The following ZNF461 variants were observed in gnomAD, a reference collection of about 807,000 sequenced individuals.
The protein encoded by ZNF461 is gonadotropin-inducible ovarian transcription factor-1.
ZNF461 carries 16 observed loss-of-function variants against 18.3 expected under a neutral mutation model. The ratio of observed to expected loss-of-function variants is 0.88; its 90% CI spans 0.59 to 1.33. The LOEUF is 1.33. Among genes scored for constraint, ZNF461 ranks in the 40% most tolerant of loss-of-function variants. The pLI is 0.00. For synonymous variants in ZNF461, 179 were observed against 216.9 expected, an observed-to-expected ratio of 0.83 and a Z score of 1.54; for missense variants, 595 against 669.9, an observed-to-expected ratio of 0.89 and a Z score of 1.23.
chr19:36,647,424 C>T (rs1370234226), intron 4 of ZNF461, among the ~76,000 whole-genome samples: 1 of 152,086 alleles, frequency 6.6e-6, no homozygotes, highest in Non-Finnish European at 1.5e-5. Context: ...CCTGTAATCC[C>T]AGCTACTTGG....
Position 36,658,355 on chromosome 19 carries a change from T to G in ZNF461, c.80A>C (p.Gln27Pro), listed in dbSNP as rs566434253. 1.2e-6 allele frequency: 2 copies of G among 1,611,392 alleles called. No individual in the cohort carries two copies. Among genetic ancestry groups the G allele is most frequent in the African/African-American group, 1.3e-5 (1 of 75,024 alleles). ...QEEWECLNPA[Q>P]RNLYKEVMLE... ...CATCACCTCCTTGTACAAATTCCTC[T>G]GCGCTGGGTTCAGGCATTCCCATTC... Residue 27 changes from glutamine (Q) to proline (P), a missense_variant, in exon 3 of 6, where the codon CAG becomes CCG. Physicochemically the swap from Gln to Pro is moderately conservative, Grantham distance 76. Coordinates refer to ENST00000588268, the MANE Select transcript of ZNF461 (RefSeq NM_153257.5).
At chr19:36,655,703 G>C (rs2037703756) in intron 4 of ZNF461, among the ~76,000 whole-genome samples, 1 of 152,182 alleles carries the variant, frequency 6.6e-6, no homozygotes, top group Non-Finnish European at 1.5e-5. Flanking sequence ...TTTTGCTTTT[G>C]TTGCCAGTGC....
chr19:36,652,926 T>C (rs1038970193), intron 4 of ZNF461, among the ~76,000 whole-genome samples: 10 of 152,122 alleles, frequency 6.6e-5, no homozygotes, highest in African/African-American at 2.4e-4. Flanking sequence ...AATTAGAAAA[T>C]GGGCAAAAGG....
intron 4 of ZNF461, among the ~76,000 whole-genome samples, chr19:36,653,743 A>G (rs772130810): frequency 1.3e-5 from 2 of 152,194 alleles, no homozygotes; most frequent in Non-Finnish European, 2.9e-5. Flanking sequence ...TCCCTCCCAC[A>G]ACACGTGGGA....
rs1026371174 is a variant in ZNF461, at chr19:36,636,731, C to G, written c.*1922G>C. The stretch of plus-strand genomic sequence containing the variant: ...AGTACAATCACTTAGATCTAAGAAG[C>G]AGATGTTCAGGGGTGAAACAGTGAA... On this transcript the variant is annotated 3_prime_UTR_variant, in exon 6 of 6. Transcript: ENST00000588268. Among the ~76,000 whole-genome samples the G allele has an allele frequency of 6.6e-6, 1 of 152,164 alleles. No individual in the cohort carries two copies. The highest frequency in any genetic ancestry group is 2.1e-4 in the South Asian group (1 of 4,832).
At chr19:36,662,478 A>G (rs1490776876) in intron 2 of ZNF461, among the ~76,000 whole-genome samples, 1 of 148,042 alleles carries the variant, frequency 6.8e-6, no homozygotes, top group Non-Finnish European at 1.5e-5. Flanking sequence ...GATGGTCTCC[A>G]TCTCCTGACC....
chr19:36,655,996 CTTTTTTTTTTT>C (rs781044041), intron 4 of ZNF461, among the ~76,000 whole-genome samples: 1 of 130,488 alleles, frequency 7.7e-6, no homozygotes, highest in South Asian at 2.4e-4. Flanking sequence ...TTTAGAATAT[CTTTTTTTTTTT>C]TTTTTTTTGA....
Position 36,639,998 on chromosome 19 carries a change from TC to T in ZNF461, c.346del (p.Asp116IlefsTer51). 1 of 1,613,394 alleles carries T rather than the reference TC, an allele frequency of 6.2e-7. No individual in the cohort carries two copies. The highest frequency in any genetic ancestry group is 8.5e-7 in the Non-Finnish European group (1 of 1,179,610). ...CTGGGATAATTCTGTTTCATAAATA[TC>T]CCTTTTTGGAGATAACTTCTGGGGC... ...DEPQKLSPKR[D>X]IYETELSQWV... is the part of the protein sequence containing the mutation. On this transcript the variant is annotated frameshift_variant, in exon 6 of 6. Coordinates refer to ENST00000588268, the MANE Select transcript of ZNF461 (RefSeq NM_153257.5). LOFTEE classifies it low-confidence loss of function (END_TRUNC).
At chr19:36,642,682 C>CTTTT (rs577387236) in intron 5 of ZNF461, among the ~76,000 whole-genome samples, 2 of 90,830 alleles carry the variant, frequency 2.2e-5, no homozygotes, top group Non-Finnish European at 4.4e-5. Flanking sequence ...AGTTAGACTT[C>CTTTT]TTTTTTTTTT....
At chr19:36,662,410 C>T (rs932091197) in intron 2 of ZNF461, among the ~76,000 whole-genome samples, 4 of 151,910 alleles carry the variant, frequency 2.6e-5, no homozygotes, top group African/African-American at 7.2e-5. Flanking sequence ...ATGCGCACCA[C>T]GACACCCAGC....
At chr19:36,644,430 G>C (rs1293784746) in intron 4 of ZNF461, among the ~76,000 whole-genome samples, 9 of 151,066 alleles carry the variant, frequency 6.0e-5, no homozygotes, top group Admixed American at 2.6e-4. Flanking sequence ...CACCGCATCT[G>C]GCTAATTTTT....
chr19:36,638,742 A>T lies in ZNF461; in HGVS notation c.1603T>A (p.Leu535Ile). 6.2e-7 allele frequency: 1 copy of T among 1,614,012 alleles called. No homozygotes were observed. The highest frequency in any genetic ancestry group is 8.5e-7 in the Non-Finnish European group (1 of 1,179,910). Residue 535 changes from leucine to isoleucine, a missense_variant, in exon 6 of 6, where the codon TTA (leucine) becomes ATA (isoleucine). Coordinates refer to ENST00000588268, the MANE Select transcript of ZNF461 (RefSeq NM_153257.5). The stretch of plus-strand genomic sequence containing the variant: ...AGAGTCTGATGTAAGTTAAGTTGTA[A>T]TCTATGATTAAACGCCTTCCCGCAT... ...YQCGKAFNHR[L>I]QLNLHQTLHT...
At chr19:36,660,591 T>A in intron 2 of ZNF461, among the ~76,000 whole-genome samples, 1 of 152,076 alleles carries the variant, frequency 6.6e-6, no homozygotes, top group Non-Finnish European at 1.5e-5. Flanking sequence ...CTAATACTAC[T>A]AATCTTTATT....
intron 4 of ZNF461, among the ~76,000 whole-genome samples, chr19:36,651,796 A>C (rs1299889018): frequency 6.6e-6 from 1 of 152,236 alleles, no homozygotes; most frequent in East Asian, 1.9e-4. Flanking sequence ...ATGAAAATCT[A>C]AGCAAATTTT....
chr19:36,653,833 A>C (rs186759496), intron 4 of ZNF461, among the ~76,000 whole-genome samples: 16 of 152,316 alleles, frequency 1.1e-4, no homozygotes, highest in African/African-American at 3.4e-4. Context: ...GAAAAAGAGA[A>C]ATGGGATAAG....
Position 36,639,579 on chromosome 19 carries a change from CA to C in ZNF461, c.765del (p.Phe255LeufsTer10). 1 of 1,612,938 alleles carries C rather than the reference CA, an allele frequency of 6.2e-7. No homozygotes were observed. Among genetic ancestry groups the C allele is most frequent in the East Asian group, 2.2e-5 (1 of 44,860 alleles). ...CNECKECWKA[F>X]VHCSQLKHLR... Reference sequence around the variant, plus strand: ...AGATGTTTAAGTTGTGAGCAATGAACAAAGGCCTTCCAACATTCTTTACACT... The same window carrying C: ...AGATGTTTAAGTTGTGAGCAATGAACAAGGCCTTCCAACATTCTTTACACT... On this transcript the variant is annotated frameshift_variant, in exon 6 of 6. Coordinates refer to ENST00000588268, the MANE Select transcript of ZNF461 (RefSeq NM_153257.5). LOFTEE classifies it low-confidence loss of function (END_TRUNC).
chr19:36,637,711 T>G lies in ZNF461; in HGVS notation c.*942A>C. The G allele has an allele frequency of 3.4e-6, 1 of 291,240 alleles. No individual in the cohort carries two copies. The highest frequency in any genetic ancestry group is 6.8e-6 in the Non-Finnish European group (1 of 147,538). 18.0% of individuals were successfully genotyped at this position (291,240 alleles called of 1,614,324 possible). On this transcript the variant is annotated 3_prime_UTR_variant, in exon 6 of 6. Transcript: ENST00000588268. ...AAAAAAAAAAATGAAGTAGGCCAAATGTGGACTAATAATGAGAATGTGTAA... is the reference window on the plus strand; with the variant it reads ...AAAAAAAAAAATGAAGTAGGCCAAAGGTGGACTAATAATGAGAATGTGTAA...
intron 3 of ZNF461, among the ~76,000 whole-genome samples, chr19:36,656,948 T>C (rs1268564881): frequency 2.0e-5 from 3 of 151,814 alleles, no homozygotes; most frequent in African/African-American, 7.3e-5. Context: ...GCCTCCTAAG[T>C]AGCTGGGATT....
intron 2 of ZNF461, among the ~76,000 whole-genome samples, chr19:36,661,789 G>GCAACTAGA (rs1250056938): frequency 6.6e-6 from 1 of 151,900 alleles, no homozygotes; most frequent in Non-Finnish European, 1.5e-5. Flanking sequence ...GGAAGGAAAA[G>GCAACTAGA]CAACTAGACA....
Sources: gnomAD v4.1 joint callset for allele counts (sites outside exome capture counted in the v4.1 genomes callset) on GRCh38, gnomAD v4.1.1 for gene constraint, MANE v1.5 for transcripts, NCBI Gene and HGNC (gene_info 2026-07-23, HGNC 2026-07-21) for gene names.